ANO6: variants seen among roughly 807,000 people sequenced by gnomAD.
ANO6 encodes the protein anoctamin-6.
ANO6 carries 106 observed loss-of-function variants against 117.5 expected under a neutral mutation model. That is an observed-to-expected ratio of 0.90 (90% CI 0.77 to 1.06). ANO6 has a LOEUF of 1.06. Ranked by LOEUF, ANO6 falls within the 50% of genes least tolerant of loss-of-function variation. The pLI is 0.00. For synonymous variants in ANO6, 367 were observed against 385.1 expected (o/e 0.95, Z 0.55); for missense variants, 955 against 1,121.1 (o/e 0.85, Z 2.12).
downstream of ANO6, among the ~76,000 whole-genome samples, chr12:45,436,517 A>G (rs1943708774): frequency 6.6e-6 from 1 of 152,210 alleles, no homozygotes; most frequent in Non-Finnish European, 1.5e-5. Flanking sequence ...CCCTGGATTC[A>G]GGGTGTATAA....
intron 1 of ANO6, among the ~76,000 whole-genome samples, chr12:45,227,230 T>C (rs1205973223): frequency 6.6e-6 from 1 of 152,174 alleles, no homozygotes; most frequent in Non-Finnish European, 1.5e-5. Context: ...CCTCAAGTGA[T>C]CCACCCGCCT....
At chr12:45,373,866 C>T (rs1214437425) in intron 9 of ANO6, among the ~76,000 whole-genome samples, 1 of 151,934 alleles carries the variant, frequency 6.6e-6, no homozygotes, top group Non-Finnish European at 1.5e-5. Flanking sequence ...AAAATCAGAG[C>T]AGAACTGAAG....
intron 1 of ANO6, among the ~76,000 whole-genome samples, chr12:45,282,303 A>T (rs1306325947): frequency 1.3e-5 from 2 of 152,216 alleles, no homozygotes; most frequent in African/African-American, 4.8e-5. Flanking sequence ...AGAGCAATGC[A>T]TTTGGAACCT....
At chr12:45,304,974 C>T (rs1565676823) in intron 2 of ANO6, among the ~76,000 whole-genome samples, 1 of 152,218 alleles carries the variant, frequency 6.6e-6, no homozygotes, top group Non-Finnish European at 1.5e-5. Context: ...GGCTTCTTCT[C>T]TCACTTGCTG....
At chr12:45,225,183 C>CAAAA (rs34523402) in intron 1 of ANO6, among the ~76,000 whole-genome samples, 9 of 73,440 alleles carry the variant, frequency 1.2e-4, no homozygotes, top group African/African-American at 3.2e-4. Context: ...GACCCTGTCT[C>CAAAA]AAAAAAAAAA....
At chr12:45,240,820 G>C (rs1432229265) in intron 1 of ANO6, among the ~76,000 whole-genome samples, 4 of 152,094 alleles carry the variant, frequency 2.6e-5, no homozygotes, top group African/African-American at 7.2e-5. Context: ...AGCTTAGTTT[G>C]GCTGGATATG....
chr12:45,313,678 A>G (rs778570798), intron 2 of ANO6, among the ~76,000 whole-genome samples: 63 of 152,070 alleles, frequency 4.1e-4, no homozygotes, highest in Non-Finnish European at 7.4e-5. Flanking sequence ...TGCCTGAGAA[A>G]GTACAGTTAC....
At chr12:45,399,000 G>C (rs1225777547) in intron 12 of ANO6, among the ~76,000 whole-genome samples, 2 of 152,102 alleles carry the variant, frequency 1.3e-5, no homozygotes, top group African/African-American at 4.8e-5. Flanking sequence ...GAAAATTCCA[G>C]GCCTGAGGTA....
chr12:45,409,401 C>G lies in ANO6; in HGVS notation c.1925C>G (p.Ser642Ter), dbSNP rs1555178865. The G allele has an allele frequency of 1.2e-6, 2 of 1,613,998 alleles. No homozygotes were observed. The highest frequency in any genetic ancestry group is 1.7e-6 in the Non-Finnish European group (2 of 1,179,940). Residue 642 changes from serine (S) to a stop codon, truncating the protein, a stop_gained, in exon 16 of 20, where the codon TCA (serine) becomes TGA (stop). Coordinates refer to ENST00000320560, the MANE Select transcript of ANO6 (RefSeq NM_001025356.3). LOFTEE classifies it high-confidence loss of function. ...GGGCGATTTCACAGAGTTTCTGGAT[C>G]AGAAAAGATAACCCCACGATGGGAA... ...LIGRFHRVSGSEKITPRWEQD... is the reference protein window; with the variant it reads ...LIGRFHRVSG
rs1273638647 is a variant in ANO6, at chr12:45,297,634, T to C, written c.71-4380T>C. 2.0e-5 allele frequency among the ~76,000 whole-genome samples: 3 copies of C among 152,304 alleles called. No individual in the cohort carries two copies. In the East Asian group the frequency reaches 5.8e-4, roughly 29 times the overall value. On this transcript the variant is annotated intron_variant, in intron 1 of 19. Coordinates refer to ENST00000320560, the MANE Select transcript of ANO6 (RefSeq NM_001025356.3). Reference sequence around the variant, plus strand: ...TAGAAAATTCTTTTGGGCTGTTGATTTTGGACTATCAAATAAGTCAGAAGC... The same window carrying C: ...TAGAAAATTCTTTTGGGCTGTTGATCTTGGACTATCAAATAAGTCAGAAGC...
chr12:45,262,853 T>C (rs968178924), intron 1 of ANO6, among the ~76,000 whole-genome samples: 9 of 152,214 alleles, frequency 5.9e-5, no homozygotes, highest in African/African-American at 1.9e-4. Flanking sequence ...TCAACAGATA[T>C]TTAGTTTGTG....
chr12:45,227,372 A>T (rs1272801316), intron 1 of ANO6, among the ~76,000 whole-genome samples: 1 of 152,194 alleles, frequency 6.6e-6, no homozygotes, highest in African/African-American at 2.4e-5. Context: ...ATAGAGTGTT[A>T]AGGAGTGAAG....
chr12:45,387,334 A>G (rs1420402373), intron 10 of ANO6, among the ~76,000 whole-genome samples: 1 of 152,214 alleles, frequency 6.6e-6, no homozygotes, highest in Admixed American at 6.5e-5. Context: ...GAAAAATACT[A>G]GTTTTCCGTA....
At chr12:45,386,253 A>G (rs78280811) in intron 10 of ANO6, among the ~76,000 whole-genome samples, 4,674 of 152,180 alleles carry the variant, frequency 0.031, 96 homozygotes, top group African/African-American at 0.057. Flanking sequence ...CATGGCCCCA[A>G]TTGCCACTTA....
chr12:45,346,990 G>T (rs1431206979), intron 3 of ANO6, 32 bp from the exon 4 acceptor site: 1 of 1,606,832 alleles, frequency 6.2e-7, no homozygotes, highest in East Asian at 2.2e-5. Context: ...GTAAACTAAA[G>T]GTCTAACATA....
At chr12:45,274,981 T>A (rs1938507367) in intron 1 of ANO6, among the ~76,000 whole-genome samples, 1 of 151,700 alleles carries the variant, frequency 6.6e-6, no homozygotes, top group South Asian at 2.1e-4. Context: ...AACATTTATC[T>A]CCAACTGAAA....
chr12:45,393,763 A>G (rs548913857), intron 12 of ANO6, among the ~76,000 whole-genome samples: 5 of 152,206 alleles, frequency 3.3e-5, no homozygotes, highest in South Asian at 2.1e-4. Context: ...TAAGTGAAGG[A>G]GAAATAAAAT....
chr12:45,420,956 T>G, intron 17 of ANO6, 115 bp from the exon 18 acceptor site: 1 of 1,118,374 alleles, frequency 8.9e-7, no homozygotes. Context: ...ACCCAAGAGG[T>G]GGAGGTTGCA....
At chr12:45,367,528 T>C (rs1314592413) in intron 8 of ANO6, among the ~76,000 whole-genome samples, 160 bp from the exon 9 acceptor site, 1 of 152,238 alleles carries the variant, frequency 6.6e-6, no homozygotes, top group Non-Finnish European at 1.5e-5. Flanking sequence ...AGTATGATTT[T>C]TAATGAATTT....
Sources: gnomAD v4.1 joint callset for allele counts (sites outside exome capture counted in the v4.1 genomes callset) on GRCh38, gnomAD v4.1.1 for gene constraint, MANE v1.5 for transcripts, NCBI Gene and HGNC (gene_info 2026-07-23, HGNC 2026-07-21) for gene names.